Variants in PCM1 observed in about 807,000 individuals in gnomAD.
PCM1 encodes pericentriolar material 1 protein.
In PCM1, 157 loss-of-function variants were observed where a neutral mutation model predicts 241.9. That is an observed-to-expected ratio of 0.65 (90% CI 0.57 to 0.74). The LOEUF is 0.74. PCM1 is among the 30% of genes least tolerant of loss of function. PCM1 has a pLI of 0.00. For synonymous variants in PCM1, 1,085 were observed against 784.9 expected, an observed-to-expected ratio of 1.38 and a Z score of -6.39; for missense variants, 3,478 against 2,360.1, an observed-to-expected ratio of 1.47 and a Z score of -9.81.
intron 6 of PCM1, among the ~76,000 whole-genome samples, chr8:17,945,277 G>A (rs965047017): frequency 2.0e-5 from 3 of 152,072 alleles, no homozygotes; most frequent in African/African-American, 7.2e-5. Flanking sequence ...ATATTTACAA[G>A]GTAACTCCCC....
chr8:17,962,112 C>A lies in PCM1; in HGVS notation c.2401C>A (p.His801Asn). The part of the protein sequence containing the change: ...AVTSTPTVNQ[H>N]ETSTSKSVFE... The stretch of plus-strand genomic sequence containing the variant: ...TACTTCAACCCCAACTGTTAATCAA[C>A]ACGAGACCAGTACAAGCAAATCTGT... The change falls in exon 16 of 39, where the codon CAC (histidine) becomes AAC (asparagine). Residue 801 changes from histidine to asparagine, a missense_variant. By Grantham distance (68) the His-to-Asn change is moderately conservative. Coordinates refer to ENST00000325083, the MANE Select transcript of PCM1 (RefSeq NM_006197.4). 6.2e-7 allele frequency: 1 copy of A among 1,611,106 alleles called. No individual in the cohort carries two copies. The highest frequency in any genetic ancestry group is 8.5e-7 in the Non-Finnish European group (1 of 1,178,192).
chr8:17,991,704 T>C lies in PCM1; in HGVS notation c.4690+4T>C, dbSNP rs1167498073. ...ACTACAGTTAATAATTTAGAAGGTA[T>C]ATATTTTTGTTTTCGGTAGGTTTTT... On this transcript the variant is annotated splice_donor_region_variant and intron_variant, in intron 28 of 38. Transcript: ENST00000325083. The C allele has an allele frequency of 3.2e-6, 5 of 1,540,164 alleles. No homozygotes were observed. Among genetic ancestry groups the C allele is most frequent in the Non-Finnish European group, 4.4e-6 (5 of 1,141,100 alleles).
At chr8:17,988,598 G>A (rs527498346) in intron 26 of PCM1, among the ~76,000 whole-genome samples, 5 of 151,868 alleles carry the variant, frequency 3.3e-5, no homozygotes, top group African/African-American at 1.2e-4. Flanking sequence ...ACTGTTATGG[G>A]AAAATAATCC....
At chr8:17,962,524 C>G (rs2072881316) in intron 16 of PCM1, among the ~76,000 whole-genome samples, 1 of 151,978 alleles carries the variant, frequency 6.6e-6, no homozygotes, top group Non-Finnish European at 1.5e-5. Flanking sequence ...AAAGACCTAT[C>G]CTTTGACATT....
intron 2 of PCM1, among the ~76,000 whole-genome samples, chr8:17,935,138 GTT>G (rs1328012815): frequency 6.6e-6 from 1 of 152,176 alleles, no homozygotes; most frequent in Non-Finnish European, 1.5e-5. Context: ...TTGCAGAGCA[GTT>G]CTCCCGTCTT....
chr8:17,961,926 A>T (rs2072419282), intron 15 of PCM1, 108 bp from the exon 16 acceptor site: 2 of 836,600 alleles, frequency 2.4e-6, no homozygotes, highest in Admixed American at 6.6e-5. Context: ...CTGATAGCAG[A>T]TTAAATATGG....
chr8:17,940,173 G>C (rs1474726384), intron 6 of PCM1: 2 of 1,299,010 alleles, frequency 1.5e-6, no homozygotes, highest in South Asian at 1.3e-5. Context: ...GCGGCTTTTT[G>C]GTAATTAAAG....
chr8:18,026,837 T>C (rs1358494570), intron 38 of PCM1, among the ~76,000 whole-genome samples: 3 of 152,200 alleles, frequency 2.0e-5, no homozygotes, highest in African/African-American at 7.2e-5. Flanking sequence ...CCTGGTTCTC[T>C]GTTCAGTTTT....
chr8:17,960,400 C>T lies in PCM1; in HGVS notation c.2278C>T (p.Gln760Ter). The T allele has an allele frequency of 6.2e-7, 1 of 1,605,800 alleles. No homozygotes were observed. The highest frequency in any genetic ancestry group is 8.5e-7 in the Non-Finnish European group (1 of 1,176,944). The change falls in exon 15 of 39, where the codon CAG becomes TAG. Residue 760 changes from glutamine (Q) to a stop codon, truncating the protein, a stop_gained. Coordinates refer to ENST00000325083, the MANE Select transcript of PCM1 (RefSeq NM_006197.4). LOFTEE classifies it high-confidence loss of function. ...AGAAAGAAAGAAACTGATTGACATTCAGGAGAAAATTCAAGCATTGCAAAC... is the reference window on the plus strand; with the variant it reads ...AGAAAGAAAGAAACTGATTGACATTTAGGAGAAAATTCAAGCATTGCAAAC... Reference protein sequence around the residue: ...QEERKKLIDIQEKIQALQTAC... With the variant: ...QEERKKLIDI
In PCM1 at chr8:18,027,827, T is replaced by A; in HGVS notation, c.*165T>A. ...CATGGTAGTTTAAAACATCAGAAACTGAATTCTGGACAGATTTAAGCCTTG... is the reference window on the plus strand; with the variant it reads ...CATGGTAGTTTAAAACATCAGAAACAGAATTCTGGACAGATTTAAGCCTTG... On this transcript the variant is annotated 3_prime_UTR_variant, in exon 39 of 39. Coordinates refer to ENST00000325083, the MANE Select transcript of PCM1 (RefSeq NM_006197.4). The A allele has an allele frequency of 2.3e-6, 1 of 437,484 alleles. No homozygotes were observed. The highest frequency in any genetic ancestry group is 4.1e-6 in the Non-Finnish European group (1 of 245,926). The allele number at this position is 437,484 out of a possible 1,614,324, so 27.1% of individuals were successfully genotyped here. A position where few individuals can be genotyped will look rare whatever the true frequency, so the allele number is the denominator to read the frequency against.
intron 11 of PCM1, 55 bp from the exon 12 acceptor site, chr8:17,957,209 T>C: frequency 7.0e-7 from 1 of 1,435,228 alleles, no homozygotes; most frequent in Non-Finnish European, 9.3e-7. Flanking sequence ...AACTTGGATT[T>C]CTTTCTCTCT....
intron 5 of PCM1, 46 bp from the exon 6 acceptor site, chr8:17,939,645 A>G (rs2061455498): frequency 1.8e-6 from 2 of 1,136,064 alleles, no homozygotes; most frequent in Middle Eastern, 2.0e-4. Context: ...AGTTTTATAT[A>G]TTGTGTACTT....
At chr8:17,994,300 C>T (rs1360702629) in intron 29 of PCM1, among the ~76,000 whole-genome samples, 1 of 152,160 alleles carries the variant, frequency 6.6e-6, no homozygotes. Context: ...CTTTCTGTGC[C>T]TGGCTAACTT....
At position 18,027,949 on chromosome 8, in the gene PCM1, A is replaced by G. The variant is rs1338199644; in HGVS notation, c.*287A>G. On this transcript the variant is annotated 3_prime_UTR_variant, in exon 39 of 39. Coordinates refer to ENST00000325083, the MANE Select transcript of PCM1 (RefSeq NM_006197.4). Reference sequence around the variant, plus strand: ...TAACGAATTTAAAATGTAGTTTTAAATAAAGTTTGGACTTATCTATAAAGT... The same window carrying G: ...TAACGAATTTAAAATGTAGTTTTAAGTAAAGTTTGGACTTATCTATAAAGT... 1 of 334,924 alleles carries G rather than the reference A, an allele frequency of 3.0e-6. No homozygotes were observed. The highest frequency in any genetic ancestry group is 4.6e-5 in the Admixed American group (1 of 21,630). The allele number at this position is 334,924 out of a possible 1,614,324, so 20.7% of individuals were successfully genotyped here.
chr8:17,984,404 T>C (rs968374334), intron 24 of PCM1, among the ~76,000 whole-genome samples: 1 of 152,000 alleles, frequency 6.6e-6, no homozygotes, highest in African/African-American at 2.4e-5. Flanking sequence ...GTTCATACCT[T>C]AAAACTACGA....
At chr8:17,948,965 AG>A (rs1227300054) in intron 7 of PCM1, among the ~76,000 whole-genome samples, 1 of 152,150 alleles carries the variant, frequency 6.6e-6, no homozygotes, top group Admixed American at 6.5e-5. Flanking sequence ...AACTCTACAG[AG>A]TTTGTGGCTT....
chr8:17,941,545 AAAAAG>A (rs1222718225), intron 6 of PCM1, among the ~76,000 whole-genome samples: 1 of 150,774 alleles, frequency 6.6e-6, no homozygotes, highest in Non-Finnish European at 1.5e-5. Context: ...TTTTTTTAAA[AAAAAG>A]GTGGACTGGT....
rs11333913 is a variant in PCM1, at chr8:18,029,156, CAAAAAAAAA to C, written c.*1512_*1520del. 0.013 allele frequency: 713 copies of C among 56,398 alleles called. 6 individuals carry two copies. Among genetic ancestry groups the C allele is most frequent in the African/African-American group, 0.045 (606 of 13,586 alleles). 3.5% of individuals were successfully genotyped at this position (56,398 alleles called of 1,614,324 possible). A position where few individuals can be genotyped will look rare whatever the true frequency, so the allele number is the denominator to read the frequency against. On this transcript the variant is annotated 3_prime_UTR_variant, in exon 39 of 39. Coordinates refer to ENST00000325083, the MANE Select transcript of PCM1 (RefSeq NM_006197.4). ...CTGGCAACAGAGCGAGACTCTGTCTCAAAAAAAAAAAAAAAAAAAAAAAAAAGTTAACTT... is the reference window on the plus strand; with the variant it reads ...CTGGCAACAGAGCGAGACTCTGTCTCAAAAAAAAAAAAAAAAAGTTAACTT...
intron 6 of PCM1, 59 bp from the exon 7 acceptor site, chr8:17,947,127 T>G: frequency 1.8e-6 from 2 of 1,113,764 alleles, no homozygotes; most frequent in Non-Finnish European, 2.6e-6. Flanking sequence ...CATTGATAAT[T>G]GAAACCGCAA....
Sources: allele counts gnomAD v4.1 joint callset (sites outside exome capture counted in the v4.1 genomes callset), GRCh38; gene constraint gnomAD v4.1.1; transcripts MANE v1.5; gene names NCBI Gene and HGNC (gene_info 2026-07-23, HGNC 2026-07-21).